Variants in TRPA1 observed in about 807,000 individuals in gnomAD.
The protein encoded by TRPA1 is transient receptor potential cation channel subfamily A member 1, also known as ankyrin-like with transmembrane domains 1.
Under a neutral mutation model 131.3 loss-of-function variants are expected in TRPA1, and 129 were observed. The observed-to-expected ratio is 0.98, with a 90% CI of 0.85 to 1.14. The LOEUF is 1.14. Among genes scored for constraint, TRPA1 ranks in the 50% most tolerant of loss-of-function variants. TRPA1 has a pLI of 0.00. For synonymous variants in TRPA1, 441 were observed against 451.7 expected (o/e 0.98, Z 0.30); for missense variants, 1,304 against 1,354.2 (o/e 0.96, Z 0.58).
intron 15 of TRPA1, among the ~76,000 whole-genome samples, chr8:72,049,409 C>G (rs186165638): frequency 1.3e-5 from 2 of 152,212 alleles, no homozygotes; most frequent in African/African-American, 4.8e-5. Context: ...GATTAAATCC[C>G]AGGACCTCCA....
chr8:72,040,394 A>C (rs1309498082), intron 17 of TRPA1, among the ~76,000 whole-genome samples: 1 of 152,092 alleles, frequency 6.6e-6, no homozygotes, highest in Non-Finnish European at 1.5e-5. Context: ...CTTTGTGAGC[A>C]ATCCCAAACT....
At chr8:72,087,356 A>G in the TRPA1 span, among the ~76,000 whole-genome samples, 38 of 152,194 alleles carry the variant, frequency 2.5e-4, no homozygotes, top group South Asian at 2.1e-4. Context: ...AATAGTTTCC[A>G]TTGCCCTAAG....
rs369179960 is a variant in TRPA1 at position 72,022,919 on chromosome 8, T to C, written c.3347A>G (p.His1116Arg). 2 of 1,613,666 alleles carry C rather than the reference T, an allele frequency of 1.2e-6. No individual in the cohort carries two copies. Among genetic ancestry groups the C allele is most frequent in the South Asian group, 1.1e-5 (1 of 91,070 alleles). ...AGGTCTGAGGAGCTAAGGCTCAAGA[T>C]GGTGTGTTTTTGCCTTGACTGCTCT... The part of the protein sequence containing the change: ...VLRAVKAKTH[H>R]LEP The change falls in exon 27 of 27, where the codon CAT becomes CGT. Residue 1116 changes from histidine (H) to arginine (R), a missense_variant. Coordinates refer to ENST00000262209, the MANE Select transcript of TRPA1 (RefSeq NM_007332.3).
chr8:72,027,702 G>C (rs1811656464), intron 24 of TRPA1, among the ~76,000 whole-genome samples: 1 of 152,148 alleles, frequency 6.6e-6, no homozygotes, highest in Non-Finnish European at 1.5e-5. Flanking sequence ...TGTGCTACTT[G>C]TCCAGTTCTG....
chr8:72,066,238 A>G (rs1397093102), intron 3 of TRPA1, among the ~76,000 whole-genome samples: 1 of 152,210 alleles, frequency 6.6e-6, no homozygotes, highest in African/African-American at 2.4e-5. Context: ...TTACCTCCTC[A>G]CCTGGTTGAC....
chr8:72,037,209 A>T (rs1398507565), intron 20 of TRPA1, among the ~76,000 whole-genome samples: 2 of 152,156 alleles, frequency 1.3e-5, no homozygotes, highest in African/African-American at 4.8e-5. Flanking sequence ...AAAAATGCAA[A>T]CCATTATTAT....
intron 23 of TRPA1, among the ~76,000 whole-genome samples, chr8:72,031,497 G>C (rs915301793): frequency 6.6e-6 from 1 of 151,762 alleles, no homozygotes; most frequent in Non-Finnish European, 1.5e-5. Context: ...AGGATCAGCT[G>C]AGACTGGGAA....
At chr8:72,029,085 T>C (rs1251808796) in intron 24 of TRPA1, among the ~76,000 whole-genome samples, 5 of 152,194 alleles carry the variant, frequency 3.3e-5, no homozygotes, top group Admixed American at 3.3e-4. Flanking sequence ...CCTCACAAGA[T>C]TCAATAGCCA....
rs111979428 is a variant in TRPA1 at position 72,051,066 on chromosome 8, T to C, written c.1812-195A>G. 9.3e-3 allele frequency among the ~76,000 whole-genome samples: 1,416 copies of C among 152,324 alleles called. 12 individuals carry two copies. Among genetic ancestry groups the C allele is most frequent in the Middle Eastern group, 0.017 (5 of 294 alleles). On this transcript the variant is annotated intron_variant, in intron 14 of 26. Coordinates refer to ENST00000262209, the MANE Select transcript of TRPA1 (RefSeq NM_007332.3). ...CAGTAATAGGATCCTTGCCCATTAATGGACATTAGGAATGTGGGCAAATTT... is the reference window on the plus strand; with the variant it reads ...CAGTAATAGGATCCTTGCCCATTAACGGACATTAGGAATGTGGGCAAATTT...
Position 72,057,825 on chromosome 8 carries a change from CA to C in TRPA1, c.994-10del. On this transcript the variant is annotated splice_polypyrimidine_tract_variant and intron_variant, in intron 8 of 26. Coordinates refer to ENST00000262209, the MANE Select transcript of TRPA1 (RefSeq NM_007332.3). ...TTATTAATATCTGCTCCCTAAAAAT[CA>C]AACAAACCATTCAACAAAGAGCTTA... 1 of 1,593,624 alleles carries C rather than the reference CA, an allele frequency of 6.3e-7. No homozygotes were observed. Among genetic ancestry groups the C allele is most frequent in the Non-Finnish European group, 8.6e-7 (1 of 1,161,540 alleles).
chr8:72,084,557 G>A, the TRPA1 span, among the ~76,000 whole-genome samples: 3 of 150,008 alleles, frequency 2.0e-5, no homozygotes, highest in East Asian at 5.8e-4. Context: ...GAAATTATTT[G>A]AGAATTGATT....
chr8:72,063,636 A>T (rs1247236805), intron 4 of TRPA1, 65 bp from the exon 5 acceptor site: 2 of 1,006,558 alleles, frequency 2.0e-6, no homozygotes, highest in Non-Finnish European at 3.2e-6. Flanking sequence ...GTGGATGAGA[A>T]TTTATGTGCC....
Position 72,022,547 on chromosome 8 carries a change from A to G in TRPA1, c.*359T>C. 2.8e-6 allele frequency: 1 copy of G among 358,832 alleles called. No homozygotes were observed. The highest frequency in any genetic ancestry group is 2.4e-5 in the South Asian group (1 of 42,426). 22.2% of individuals were successfully genotyped at this position (358,832 alleles called of 1,614,324 possible). A position where few individuals can be genotyped will look rare whatever the true frequency, so the allele number is the denominator to read the frequency against. The stretch of plus-strand genomic sequence containing the variant: ...AGCATCACATATTATGTAATTAACA[A>G]GCAGGAATTCAGTACTGACATTTGC... On this transcript the variant is annotated 3_prime_UTR_variant, in exon 27 of 27. Transcript: ENST00000262209.
chr8:72,068,509 A>G (rs1805981696), intron 3 of TRPA1, among the ~76,000 whole-genome samples: 1 of 152,230 alleles, frequency 6.6e-6, no homozygotes, highest in African/African-American at 2.4e-5. Context: ...CATCCATTCT[A>G]ACAAAAATAG....
rs899716837 is a variant in TRPA1, at chr8:72,029,398, C to A, written c.2937+503G>T. On this transcript the variant is annotated intron_variant, in intron 24 of 26. Transcript: ENST00000262209. ...ATTGTTCTCGGACATTTTTTTGTAT[C>A]AACTTTGATTAGAGCAGGTATACCA... Among the ~76,000 whole-genome samples, 53 of 152,064 alleles carry A rather than the reference C, an allele frequency of 3.5e-4. 1 individual carries two copies. The highest frequency in any genetic ancestry group is 1.2e-3 in the African/African-American group (48 of 41,410).
chr8:72,070,063 G>A (rs1276218482), intron 2 of TRPA1, among the ~76,000 whole-genome samples: 1 of 152,186 alleles, frequency 6.6e-6, no homozygotes, highest in Non-Finnish European at 1.5e-5. Context: ...CAGCATATAA[G>A]TAATATGTCT....
intron 8 of TRPA1, among the ~76,000 whole-genome samples, chr8:72,059,005 TC>T (rs1180846579): frequency 6.6e-6 from 1 of 152,074 alleles, no homozygotes; most frequent in African/African-American, 2.4e-5. Context: ...GATAGGAGTT[TC>T]CCCCCGTGCT....
rs1424392136 is a variant in TRPA1, at chr8:72,047,188, A to G, written c.1925T>C (p.Met642Thr). ...ECMKVLLDFCMLHSTEDKSCR... is the reference protein window; with the variant it reads ...ECMKVLLDFCTLHSTEDKSCR... ...GGACTTGTCTTCTGTGGAATGCAAC[A>G]TGCAGAAATCTAAAAGTACCTTTGA... The change falls in exon 16 of 27, where the codon ATG (methionine) becomes ACG (threonine). Residue 642 changes from methionine to threonine, a missense_variant. Transcript: ENST00000262209. 7 of 1,611,480 alleles carry G rather than the reference A, an allele frequency of 4.3e-6. No homozygotes were observed. Among genetic ancestry groups the G allele is most frequent in the Non-Finnish European group, 5.9e-6 (7 of 1,178,156 alleles).
intron 1 of TRPA1, among the ~76,000 whole-genome samples, chr8:72,073,991 C>T (rs1276139253): frequency 6.6e-6 from 1 of 152,236 alleles, no homozygotes; most frequent in East Asian, 1.9e-4. Flanking sequence ...GCCTGACTCA[C>T]ACACACAATT....
Sources: gnomAD v4.1 joint callset for allele counts (sites outside exome capture counted in the v4.1 genomes callset) on GRCh38, gnomAD v4.1.1 for gene constraint, MANE v1.5 for transcripts, NCBI Gene and HGNC (gene_info 2026-07-23, HGNC 2026-07-21) for gene names.